Variants in HERC2 observed in about 807,000 individuals in gnomAD.
The protein encoded by HERC2 is E3 ubiquitin-protein ligase HERC2.
HERC2 carries 102 observed loss-of-function variants against 537.7 expected under a neutral mutation model. The observed-to-expected ratio is 0.19, with a 90% CI of 0.16 to 0.22. The LOEUF is 0.22. Among genes scored for constraint, HERC2 ranks in the 10% least tolerant of loss-of-function variants. HERC2 has a pLI of 1.00. For synonymous variants in HERC2, 2,224 were observed against 2,466.2 expected (o/e 0.90, Z 2.91); for missense variants, 4,236 against 6,198.2 (o/e 0.68, Z 10.63).
At chr15:28,127,313 C>G (rs891358934) in intron 83 of HERC2, among the ~76,000 whole-genome samples, 4 of 152,200 alleles carry the variant, frequency 2.6e-5, no homozygotes, top group Non-Finnish European at 5.9e-5. Context: ...GGGAGTCAGC[C>G]AAGACCCCCA....
In HERC2 at chr15:28,256,071, T is replaced by C. The variant is rs371659985; in HGVS notation, c.2746+18A>G. On this transcript the variant is annotated intron_variant, in intron 18 of 92. Coordinates refer to ENST00000261609, the MANE Select transcript of HERC2 (RefSeq NM_004667.6). ...ACACCCTGACCCATGCCCTCTCCTG[T>C]TCCTTCCCCAGGCCCACCTGCGCAG... 1.2e-6 allele frequency: 2 copies of C among 1,603,928 alleles called. No individual in the cohort carries two copies. The highest frequency in any genetic ancestry group is 2.2e-5 in the East Asian group (1 of 44,830).
chr15:28,132,090 T>C lies in HERC2; in HGVS notation c.12570+10A>G. ...GGGAGAGCACTGGGCAGGGAAAGAA[T>C]GGGAAATACCTTCATAGGCACTTTA... On this transcript the variant is annotated intron_variant, in intron 81 of 92. Coordinates refer to ENST00000261609, the MANE Select transcript of HERC2 (RefSeq NM_004667.6). The C allele has an allele frequency of 1.3e-6, 2 of 1,585,584 alleles. No individual in the cohort carries two copies. The highest frequency in any genetic ancestry group is 8.6e-7 in the Non-Finnish European group (1 of 1,160,330).
chr15:28,265,519 G>A lies in HERC2; in HGVS notation c.1870+99C>T, dbSNP rs899586521. On this transcript the variant is annotated intron_variant, in intron 14 of 92. Coordinates refer to ENST00000261609, the MANE Select transcript of HERC2 (RefSeq NM_004667.6). The surrounding 1 kb of genome is among the most constrained non-coding windows in gnomAD (Gnocchi z 4.0). ...CCACACCCACTGGGCGACAGGGTGG[G>A]TGGCCTCGTGAGGCCCACTGTACTC... 2 of 923,922 alleles carry A rather than the reference G, an allele frequency of 2.2e-6. No individual in the cohort carries two copies. Among genetic ancestry groups the A allele is most frequent in the African/African-American group, 1.6e-5 (1 of 61,458 alleles). 57.2% of individuals were successfully genotyped at this position (923,922 alleles called of 1,614,324 possible).
chr15:28,242,464 G>C (rs764640400), intron 23 of HERC2, among the ~76,000 whole-genome samples: 1 of 152,144 alleles, frequency 6.6e-6, no homozygotes, highest in African/African-American at 2.4e-5. Flanking sequence ...TTCTCTGGTG[G>C]ATAGATGGAA....
rs1567091353 is a variant in HERC2, at chr15:28,265,805, G to C, written c.1756+12C>G. The C allele has an allele frequency of 1.2e-6, 2 of 1,614,192 alleles. No individual in the cohort carries two copies. The highest frequency in any genetic ancestry group is 1.7e-6 in the Non-Finnish European group (2 of 1,180,030). On this transcript the variant is annotated intron_variant, in intron 13 of 92. Transcript: ENST00000261609. The surrounding 1 kb of genome is among the most constrained non-coding windows in gnomAD (Gnocchi z 4.0). ...CCTGCTGCATGCTCCCACTCATGCAGAGCAGACGTACCATGGCCCAGCCGG... is the reference window on the plus strand; with the variant it reads ...CCTGCTGCATGCTCCCACTCATGCACAGCAGACGTACCATGGCCCAGCCGG...
intron 81 of HERC2, 131 bp from the exon 82 acceptor site, chr15:28,130,725 C>A: frequency 1.3e-6 from 1 of 748,854 alleles, no homozygotes; most frequent in Non-Finnish European, 2.4e-6. Flanking sequence ...ATTAGTGCAA[C>A]ATAAAATCAT....
intron 85 of HERC2, among the ~76,000 whole-genome samples, 165 bp downstream of exon 85, chr15:28,123,872 T>G (rs1025435093): frequency 6.6e-6 from 1 of 152,360 alleles, no homozygotes; most frequent in South Asian, 2.1e-4. Context: ...GTTTTCTCAT[T>G]GATATAAAGT....
At chr15:28,197,127 T>C (rs1897416616) in intron 50 of HERC2, among the ~76,000 whole-genome samples, 2 of 152,214 alleles carry the variant, frequency 1.3e-5, no homozygotes, top group African/African-American at 4.8e-5. Context: ...TCCATTTGTT[T>C]TTATGTAACA....
chr15:28,256,208 G>A lies in HERC2; in HGVS notation c.2627C>T (p.Ala876Val), dbSNP rs149493788. 9.3e-5 allele frequency: 149 copies of A among 1,600,420 alleles called. No homozygotes were observed. Among genetic ancestry groups the A allele is most frequent in the African/African-American group, 1.1e-4 (8 of 74,998 alleles). ...CGACTGCACGGTGCTCAGCACGCCC[G>A]CACTGCTGGCCAGGGTCACCACCGT... The part of the protein sequence containing the change: ...KQTVVTLASS[A>V]GVLSTVQSAA... Residue 876 changes from alanine (A) to valine (V), a missense_variant, in exon 18 of 93, where the codon GCG (alanine) becomes GTG (valine). Around this residue, in one of 27 missense-constraint regions of HERC2, gnomAD observed 754 missense variants for 1,085.0 expected, o/e 0.69. Transcript: ENST00000261609.
chr15:28,137,101 G>A (rs1890727163), intron 78 of HERC2, among the ~76,000 whole-genome samples: 1 of 152,132 alleles, frequency 6.6e-6, no homozygotes, highest in African/African-American at 2.4e-5. Context: ...GGGTAACAAG[G>A]GGTCACTGAT....
rs1895284449 is a variant in HERC2, at chr15:28,176,307, G to C, written c.9686+121C>G. 1 of 770,870 alleles carries C rather than the reference G, an allele frequency of 1.3e-6. No individual in the cohort carries two copies. Among genetic ancestry groups the C allele is most frequent in the African/African-American group, 1.7e-5 (1 of 57,294 alleles). 47.8% of individuals were successfully genotyped at this position (770,870 alleles called of 1,614,324 possible). A position where few individuals can be genotyped will look rare whatever the true frequency, so the allele number is the denominator to read the frequency against. On this transcript the variant is annotated intron_variant, in intron 63 of 92. Coordinates refer to ENST00000261609, the MANE Select transcript of HERC2 (RefSeq NM_004667.6). The surrounding 1 kb of genome is among the most constrained non-coding windows in gnomAD (Gnocchi z 5.0). Reference sequence around the variant, plus strand: ...TCAATATCCTTTAAAGGACAAAGATGCATGCATAAGTAAAAAGAGGACACG... The same window carrying C: ...TCAATATCCTTTAAAGGACAAAGATCCATGCATAAGTAAAAAGAGGACACG...
At chr15:28,318,054 C>T (rs567603856) in intron 2 of HERC2, among the ~76,000 whole-genome samples, 12 of 152,274 alleles carry the variant, frequency 7.9e-5, no homozygotes, top group Non-Finnish European at 1.6e-4. Context: ...GACTTATGCT[C>T]AAAGACATGC....
chr15:28,225,276 T>C (rs1271652011), intron 35 of HERC2, among the ~76,000 whole-genome samples: 6 of 144,070 alleles, frequency 4.2e-5, no homozygotes, highest in Non-Finnish European at 8.9e-5. Flanking sequence ...AACAAAAAAA[T>C]ACAAAGCAGA....
At chr15:28,298,005 TTGTGTGTG>T (rs373425948) in intron 3 of HERC2, among the ~76,000 whole-genome samples, 1,578 of 130,246 alleles carry the variant, frequency 0.012, 19 homozygotes, top group African/African-American at 0.046. Flanking sequence ...CTGTCAGTTA[TTGTGTGTG>T]TGTGTGTGTG....
intron 4 of HERC2, among the ~76,000 whole-genome samples, chr15:28,286,233 T>A (rs575010918): frequency 6.6e-6 from 1 of 152,084 alleles, no homozygotes; most frequent in Non-Finnish European, 1.5e-5. Flanking sequence ...TATTAGAAGC[T>A]AATAGAAGCT....
Position 28,174,998 on chromosome 15 carries a change from C to T in HERC2, c.9832-378G>A, listed in dbSNP as rs541267965. Among the ~76,000 whole-genome samples, 5 of 152,048 alleles carry T rather than the reference C, an allele frequency of 3.3e-5. No homozygotes were observed. The Middle Eastern group carries it at 0.01, about 310-fold the overall frequency. On this transcript the variant is annotated intron_variant, in intron 64 of 92. Coordinates refer to ENST00000261609, the MANE Select transcript of HERC2 (RefSeq NM_004667.6). Reference sequence around the variant, plus strand: ...TTTTTCAAGTAAGTTGCTTCTTGGCCTTATAGAATTATAAAGTAAAATTCA... The same window carrying T: ...TTTTTCAAGTAAGTTGCTTCTTGGCTTTATAGAATTATAAAGTAAAATTCA...
In HERC2 at chr15:28,257,110, T is replaced by C. The variant is rs748446973; in HGVS notation, c.2468A>G (p.Gln823Arg). 2 of 1,613,834 alleles carry C rather than the reference T, an allele frequency of 1.2e-6. No homozygotes were observed. The highest frequency in any genetic ancestry group is 1.7e-6 in the Non-Finnish European group (2 of 1,179,766). The change falls in exon 17 of 93, where the codon CAG becomes CGG. Residue 823 changes from glutamine (Q) to arginine (R), a missense_variant. By Grantham distance (43) the Gln-to-Arg change is conservative. Coordinates refer to ENST00000261609, the MANE Select transcript of HERC2 (RefSeq NM_004667.6). ...TGCCACGGCCACACACTCTTTCTCC[T>C]GGGGCGGGGGCCAGTCCGCGGAACC... ...MDGSADWPPP[Q>R]EKECVAVATL...
rs749272287 is a variant in HERC2 at position 28,176,496 on chromosome 15, C to A, written c.9618G>T (p.Gly3206=). 2 of 1,614,192 alleles carry A rather than the reference C, an allele frequency of 1.2e-6. No individual in the cohort carries two copies. The highest frequency in any genetic ancestry group is 1.7e-6 in the Non-Finnish European group (2 of 1,180,028). The change falls in exon 63 of 93, where the codon GGG becomes GGT. Residue 3206 remains glycine, a synonymous_variant. Transcript: ENST00000261609. This position sits in a 1 kb window ranked among gnomAD's most constrained non-coding sequence, Gnocchi z 5.0. ...PQNIERLNGQ[G]VCQIECGAQF... is the part of the protein sequence containing the mutation. ...GAGCTCCACACTCAATCTGGCACACCCCCTGTCCATTTAGTCTCTCAATGT... is the reference window on the plus strand; with the variant it reads ...GAGCTCCACACTCAATCTGGCACACACCCTGTCCATTTAGTCTCTCAATGT...
intron 15 of HERC2, among the ~76,000 whole-genome samples, chr15:28,261,892 G>A (rs1403756557): frequency 6.6e-6 from 1 of 152,126 alleles, no homozygotes; most frequent in Non-Finnish European, 1.5e-5. Flanking sequence ...AACCCACTTG[G>A]TAAAGAACCA....
Sources: allele counts gnomAD v4.1 joint callset (sites outside exome capture counted in the v4.1 genomes callset), GRCh38; gene constraint gnomAD v4.1.1; regional missense constraint gnomAD v4.1.1; non-coding constraint Gnocchi (gnomAD v3.1); transcripts MANE v1.5; gene names NCBI Gene and HGNC (gene_info 2026-07-23, HGNC 2026-07-21).